Variants in EYS observed in about 807,000 individuals in gnomAD.
EYS encodes the protein EGF-like photoreceptor maintenance factor.
A neutral mutation model predicts 282.1 loss-of-function variants in EYS; 250 were observed. That is an observed-to-expected ratio of 0.89 (90% CI 0.80 to 0.98). The LOEUF is 0.98. Among genes scored for constraint, EYS ranks in the 50% least tolerant of loss-of-function variants. The pLI is 0.00. For synonymous variants in EYS, 1,355 were observed against 1,282.9 expected, an observed-to-expected ratio of 1.06 and a Z score of -1.20; for missense variants, 4,016 against 3,709.0, an observed-to-expected ratio of 1.08 and a Z score of -2.15.
At chr6:64,103,351 C>T (rs1246621326) in intron 31 of EYS, among the ~76,000 whole-genome samples, 2 of 152,076 alleles carry the variant, frequency 1.3e-5, no homozygotes, top group South Asian at 2.1e-4. Flanking sequence ...CTTTTTTCAA[C>T]GTGTGAGGGA....
At chr6:63,881,936 T>C (rs796450658) in intron 35 of EYS, among the ~76,000 whole-genome samples, 12 of 152,296 alleles carry the variant, frequency 7.9e-5, no homozygotes, top group African/African-American at 2.9e-4. Flanking sequence ...CTTAGACAAG[T>C]TGACTATTCT....
intron 28 of EYS, among the ~76,000 whole-genome samples, chr6:64,434,757 T>C (rs563195577): frequency 2.6e-5 from 4 of 152,248 alleles, no homozygotes; most frequent in African/African-American, 9.6e-5. Flanking sequence ...TAGGAATACA[T>C]TCATATATGT....
At chr6:65,334,070 C>T (rs2150312927) in intron 11 of EYS, among the ~76,000 whole-genome samples, 1 of 151,756 alleles carries the variant, frequency 6.6e-6, no homozygotes, top group South Asian at 2.1e-4. Flanking sequence ...GTCTAAACGT[C>T]TCTAAATTTT....
intron 22 of EYS, among the ~76,000 whole-genome samples, chr6:64,706,560 C>T (rs542000511): frequency 6.6e-6 from 1 of 152,176 alleles, no homozygotes; most frequent in South Asian, 2.1e-4. Context: ...ACAATCTATA[C>T]ATCTGACAAA....
rs536874887 is a variant in EYS at position 64,386,613 on chromosome 6, C to T, written c.6078+2077G>A. On this transcript the variant is annotated intron_variant, in intron 29 of 42. Coordinates refer to ENST00000503581, the MANE Select transcript of EYS (RefSeq NM_001142800.2). ...CCAAACCATATCAGCAACTCAAATG[C>T]AATGATAAACCTGCCGTTTTCCCTA... is the stretch of plus-strand genomic sequence containing the variant. Among the ~76,000 whole-genome samples the T allele has an allele frequency of 1.2e-4, 19 of 152,242 alleles. No individual in the cohort carries two copies. The East Asian group carries it at 3.7e-3, about 29-fold the overall frequency.
chr6:64,363,045 C>T (rs922094113), intron 29 of EYS, among the ~76,000 whole-genome samples: 1 of 148,466 alleles, frequency 6.7e-6, no homozygotes, highest in Admixed American at 6.8e-5. Context: ...CTACTGCAGC[C>T]TTGGTCTCCC....
intron 31 of EYS, among the ~76,000 whole-genome samples, chr6:64,103,795 A>T (rs974698828): frequency 3.3e-5 from 5 of 152,278 alleles, no homozygotes; most frequent in South Asian, 2.1e-4. Flanking sequence ...AAAAGCTTTA[A>T]CAATAGTACA....
At chr6:64,285,533 T>A (rs1000447989) in intron 30 of EYS, among the ~76,000 whole-genome samples, 3 of 152,172 alleles carry the variant, frequency 2.0e-5, no homozygotes, top group Non-Finnish European at 4.4e-5. Context: ...TTTCCCACAT[T>A]TTCCTATGTT....
At chr6:65,580,214 G>A (rs996549958) in intron 2 of EYS, among the ~76,000 whole-genome samples, 3 of 152,068 alleles carry the variant, frequency 2.0e-5, no homozygotes, top group Admixed American at 2.0e-4. Flanking sequence ...GATTAATTCA[G>A]CAAAAGTGGA....
chr6:63,893,824 T>C (rs2149726524), intron 35 of EYS, among the ~76,000 whole-genome samples: 1 of 152,304 alleles, frequency 6.6e-6, no homozygotes, highest in Non-Finnish European at 1.5e-5. Flanking sequence ...TATGCCCTAC[T>C]CAGCTGACAC....
At chr6:64,285,668 G>C (rs1768473507) in intron 30 of EYS, among the ~76,000 whole-genome samples, 5 of 152,170 alleles carry the variant, frequency 3.3e-5, no homozygotes, top group Admixed American at 3.3e-4. Context: ...CTGATACTGG[G>C]AAGAAAAAGA....
intron 31 of EYS, among the ~76,000 whole-genome samples, chr6:64,143,356 TAA>T (rs60699526): frequency 0.22 from 20,152 of 89,650 alleles, 2,130 homozygotes; most frequent in East Asian, 0.44. Context: ...TCATTTATTG[TAA>T]AAAAAAAAAA....
intron 26 of EYS, among the ~76,000 whole-genome samples, chr6:64,572,969 A>G (rs1030194051): frequency 2.6e-5 from 4 of 152,200 alleles, no homozygotes; most frequent in Admixed American, 2.0e-4. Flanking sequence ...TAGCCAAGAC[A>G]ATCCTAAGAA....
intron 31 of EYS, among the ~76,000 whole-genome samples, chr6:64,096,465 G>T (rs112219155): frequency 0.042 from 6,379 of 151,944 alleles, 392 homozygotes; most frequent in African/African-American, 0.14. Flanking sequence ...TATTCTTTTT[G>T]CTCTAAACTT....
chr6:64,501,592 G>T (rs1338265642), intron 26 of EYS, among the ~76,000 whole-genome samples: 1 of 152,110 alleles, frequency 6.6e-6, no homozygotes, highest in African/African-American at 2.4e-5. Flanking sequence ...TTTTGGGAAA[G>T]AAGGCATAGC....
chr6:64,579,184 G>A (rs572370518), intron 26 of EYS, among the ~76,000 whole-genome samples: 15 of 152,056 alleles, frequency 9.9e-5, no homozygotes, highest in Non-Finnish European at 1.6e-4. Context: ...TTCTGCCCTG[G>A]CCTTTCTCAA....
intron 35 of EYS, among the ~76,000 whole-genome samples, chr6:63,883,284 C>T (rs970007117): frequency 4.6e-5 from 7 of 152,212 alleles, no homozygotes; most frequent in African/African-American, 1.4e-4. Flanking sequence ...CTTCACATGT[C>T]CTTGGTGTGC....
intron 22 of EYS, among the ~76,000 whole-genome samples, chr6:64,783,398 T>C (rs1773921747): frequency 6.6e-6 from 1 of 151,772 alleles, no homozygotes; most frequent in African/African-American, 2.4e-5. Context: ...TTCAGTACTA[T>C]CCGTGGATTC....
intron 11 of EYS, among the ~76,000 whole-genome samples, chr6:65,302,127 T>C (rs1291713622): frequency 6.6e-5 from 10 of 152,264 alleles, no homozygotes; most frequent in African/African-American, 2.4e-4. Flanking sequence ...AGGAGATAAC[T>C]AACCCTAGCT....
Sources: gnomAD v4.1 joint callset for allele counts (sites outside exome capture counted in the v4.1 genomes callset) on GRCh38, gnomAD v4.1.1 for gene constraint, MANE v1.5 for transcripts, NCBI Gene and HGNC (gene_info 2026-07-23, HGNC 2026-07-21) for gene names.